TSG101: variants seen among roughly 807,000 people sequenced by gnomAD.
The protein encoded by TSG101 is tumor susceptibility gene 101 protein.
In TSG101, 19 loss-of-function variants were observed where a neutral mutation model predicts 48.5. That is an observed-to-expected ratio of 0.39 (90% confidence interval 0.27 to 0.58). The LOEUF (loss-of-function observed/expected upper bound fraction) is 0.58. TSG101 is among the 20% of genes least tolerant of loss of function. The pLI is 0.55. For missense variants in TSG101, 365 were observed against 484.4 expected (o/e 0.75, Z 2.31); for synonymous variants, 174 against 169.4 (o/e 1.03, Z -0.21).
intron 9 of TSG101, 146 bp downstream of exon 9, chr11:18,481,483 CA>C: frequency 7.0e-7 from 1 of 1,437,780 alleles, no homozygotes; most frequent in African/African-American, 1.4e-5. Context: ...AAAGATGGTG[CA>C]AAACCCTACA....
chr11:18,491,665 T>C (rs1227029569), intron 7 of TSG101, among the ~76,000 whole-genome samples: 1 of 152,240 alleles, frequency 6.6e-6, no homozygotes, highest in Admixed American at 6.5e-5. Context: ...TAGATAATTA[T>C]AGAACTTTAG....
chr11:18,513,032 G>C (rs1187118906), intron 4 of TSG101, among the ~76,000 whole-genome samples: 1 of 151,814 alleles, frequency 6.6e-6, no homozygotes, highest in African/African-American at 2.4e-5. Context: ...CCAGCCTCAA[G>C]GACAGATTTT....
At chr11:18,487,263 A>T (rs77038933) in intron 7 of TSG101, among the ~76,000 whole-genome samples, 3 of 75,282 alleles carry the variant, frequency 4.0e-5, no homozygotes, top group East Asian at 7.1e-4. Flanking sequence ...AAAGTATAAT[A>T]AAAAAAAAAA....
chr11:18,484,087 G>C lies in TSG101; in HGVS notation c.641-15C>G, dbSNP rs751016678. The C allele has an allele frequency of 3.1e-6, 5 of 1,610,350 alleles. No homozygotes were observed. In the African/African-American group the frequency reaches 6.7e-5, roughly 22 times the overall value. On this transcript the variant is annotated splice_polypyrimidine_tract_variant and intron_variant, in intron 7 of 9. Coordinates refer to ENST00000251968, the MANE Select transcript of TSG101 (RefSeq NM_006292.4). ...CCTACTGGGACCTGCAGGAAACAGAGGCAAAAAACACTTGCTTACTTCCCA... is the reference window on the plus strand; with the variant it reads ...CCTACTGGGACCTGCAGGAAACAGACGCAAAAAACACTTGCTTACTTCCCA...
intron 7 of TSG101, among the ~76,000 whole-genome samples, chr11:18,499,403 T>TATATATATATATATATATA (rs1554970813): frequency 2.9e-4 from 2 of 6,850 alleles, no homozygotes; most frequent in Non-Finnish European, 5.2e-4. Flanking sequence ...TATATATATA[T>TATATATATATATATATATA]TTTTTTTTTT....
chr11:18,493,197 T>C (rs1849723385), intron 7 of TSG101, among the ~76,000 whole-genome samples: 1 of 152,220 alleles, frequency 6.6e-6, no homozygotes, highest in Non-Finnish European at 1.5e-5. Flanking sequence ...TTCCTTTAAA[T>C]GTCAGGTAGG....
chr11:18,504,798 G>A (rs1849942665), intron 6 of TSG101, among the ~76,000 whole-genome samples: 1 of 152,150 alleles, frequency 6.6e-6, no homozygotes, highest in South Asian at 2.1e-4. Flanking sequence ...GTCCAAAGCT[G>A]CTTTTTACTA....
rs1565093553 is a variant in TSG101, at chr11:18,514,668, GA to G, written c.357+9del. 3 of 1,552,352 alleles carry G rather than the reference GA, an allele frequency of 1.9e-6. No individual in the cohort carries two copies. In the South Asian group the frequency reaches 3.7e-5, roughly 19 times the overall value. ...ACATAACTAATTCACAGAACACTAT[GA>G]ATACTTACGTGTTTCCATTCATGTA... On this transcript the variant is annotated intron_variant, in intron 4 of 9. Coordinates refer to ENST00000251968, the MANE Select transcript of TSG101 (RefSeq NM_006292.4).
At chr11:18,518,586 T>C (rs1214433989) in intron 2 of TSG101, among the ~76,000 whole-genome samples, 1 of 152,210 alleles carries the variant, frequency 6.6e-6, no homozygotes, top group African/African-American at 2.4e-5. Flanking sequence ...CAAACTGTTA[T>C]GCTTACCTAC....
chr11:18,506,469 G>A (rs919843720), intron 6 of TSG101, among the ~76,000 whole-genome samples: 1 of 151,682 alleles, frequency 6.6e-6, no homozygotes, highest in African/African-American at 2.4e-5. Flanking sequence ...GAGGCAGGCA[G>A]ATCACAAGGT....
At chr11:18,499,174 T>C (rs2133915165) in intron 7 of TSG101, among the ~76,000 whole-genome samples, 1 of 140,902 alleles carries the variant, frequency 7.1e-6, no homozygotes, top group African/African-American at 2.6e-5. Flanking sequence ...AAAAGTGGAA[T>C]AGAGAAGAGG....
At chr11:18,517,013 G>A (rs1211090719) in intron 2 of TSG101, among the ~76,000 whole-genome samples, 1 of 152,130 alleles carries the variant, frequency 6.6e-6, no homozygotes, top group Non-Finnish European at 1.5e-5. Flanking sequence ...TTCTATTTTA[G>A]AGATGTGCAG....
chr11:18,518,574 GAC>G (rs1261665385), intron 2 of TSG101, among the ~76,000 whole-genome samples: 1 of 152,134 alleles, frequency 6.6e-6, no homozygotes, highest in African/African-American at 2.4e-5. Flanking sequence ...AGAAAGTAGA[GAC>G]AAACTGTTAT....
intron 7 of TSG101, among the ~76,000 whole-genome samples, chr11:18,491,811 T>C (rs1024044516): frequency 6.6e-6 from 1 of 152,214 alleles, no homozygotes; most frequent in African/African-American, 2.4e-5. Context: ...TGGCAATTTG[T>C]AGAATAAGTC....
intron 7 of TSG101, among the ~76,000 whole-genome samples, chr11:18,487,688 A>G (rs1404348654): frequency 2.6e-5 from 4 of 152,166 alleles, no homozygotes; most frequent in Non-Finnish European, 5.9e-5. Context: ...GCTATTGCAA[A>G]AAACAAAAAC....
rs372332720 is a variant in TSG101 at position 18,495,418 on chromosome 11, C to CA, written c.640+7067_640+7068insT. Among the ~76,000 whole-genome samples, 213 of 152,306 alleles carry CA rather than the reference C, an allele frequency of 1.4e-3. 1 individual carries two copies. Among genetic ancestry groups the CA allele is most frequent in the African/African-American group, 4.7e-3 (194 of 41,552 alleles). ...GTCAACCTTCAAAAGAGAACTTTCA[C>CA]CACTGCTGAGACTGGAGTAAGGAAT... On this transcript the variant is annotated intron_variant, in intron 7 of 9. Transcript: ENST00000251968.
chr11:18,518,507 C>A (rs921831340), intron 2 of TSG101, among the ~76,000 whole-genome samples: 3 of 152,146 alleles, frequency 2.0e-5, no homozygotes, highest in African/African-American at 7.2e-5. Context: ...ACAGAAAAGA[C>A]TATTTTAAAA....
intron 1 of TSG101, among the ~76,000 whole-genome samples, chr11:18,520,163 A>C (rs1269625513): frequency 1.3e-5 from 2 of 151,784 alleles, no homozygotes; most frequent in African/African-American, 4.9e-5. Flanking sequence ...TTTCATGACT[A>C]AATTATTTCA....
chr11:18,499,947 T>C (rs1045232060), intron 7 of TSG101, among the ~76,000 whole-genome samples: 1 of 152,176 alleles, frequency 6.6e-6, no homozygotes, highest in Non-Finnish European at 1.5e-5. Context: ...AACTTATTCC[T>C]TCTATCTAAC....
Sources: gnomAD v4.1 joint callset for allele counts (sites outside exome capture counted in the v4.1 genomes callset) on GRCh38, gnomAD v4.1.1 for gene constraint, MANE v1.5 for transcripts, NCBI Gene and HGNC (gene_info 2026-07-23, HGNC 2026-07-21) for gene names.